DPP10: variants seen among roughly 807,000 people sequenced by gnomAD.
The protein encoded by DPP10 is dipeptidyl peptidase like 10, also known as inactive dipeptidyl peptidase 10.
Under a neutral mutation model 120.9 loss-of-function variants are expected in DPP10, and 33 were observed. The ratio of observed to expected loss-of-function variants is 0.27; its 90% CI spans 0.21 to 0.37. DPP10 has a LOEUF of 0.37. DPP10 is among the 10% of genes least tolerant of loss of function. DPP10 has a pLI of 1.00. For synonymous variants in DPP10, 337 were observed against 326.1 expected, an observed-to-expected ratio of 1.03 and a Z score of -0.36; for missense variants, 816 against 942.8, an observed-to-expected ratio of 0.87 and a Z score of 1.76.
At chr2:114,922,466 C>A (rs6708990) in intron 1 of DPP10, among the ~76,000 whole-genome samples, 2,668 of 152,246 alleles carry the variant, frequency 0.018, 92 homozygotes, top group African/African-American at 0.06. Context: ...GCATGCGTAG[C>A]CATGCTTGTT....
chr2:115,403,082 G>A (rs925006568), intron 3 of DPP10, among the ~76,000 whole-genome samples: 1 of 151,064 alleles, frequency 6.6e-6, no homozygotes, highest in Admixed American at 6.6e-5. Flanking sequence ...TCAAGTGAGA[G>A]TTATTCTTAG....
intron 5 of DPP10, among the ~76,000 whole-genome samples, chr2:115,631,127 A>G (rs1183616438): frequency 2.0e-5 from 3 of 148,376 alleles, no homozygotes; most frequent in African/African-American, 7.7e-5. Context: ...TCAAGGATTC[A>G]ACTTCTTCCT....
At chr2:115,642,068 A>G (rs1316045881) in intron 5 of DPP10, among the ~76,000 whole-genome samples, 1 of 152,194 alleles carries the variant, frequency 6.6e-6, no homozygotes, top group Non-Finnish European at 1.5e-5. Flanking sequence ...AGATAGGAGA[A>G]TTATAAATAT....
intron 1 of DPP10, among the ~76,000 whole-genome samples, chr2:115,232,997 A>C (rs887282473): frequency 6.6e-6 from 1 of 150,974 alleles, no homozygotes; most frequent in Non-Finnish European, 1.5e-5. Flanking sequence ...GTTGAGAACT[A>C]AATATAAACT....
At chr2:115,405,510 G>C (rs1455337398) in intron 3 of DPP10, among the ~76,000 whole-genome samples, 1 of 152,172 alleles carries the variant, frequency 6.6e-6, no homozygotes, top group Admixed American at 6.5e-5. Context: ...CTGGAGTCCA[G>C]AGGGAAGTGG....
At chr2:115,258,755 G>A in intron 1 of DPP10, among the ~76,000 whole-genome samples, 1 of 151,938 alleles carries the variant, frequency 6.6e-6, no homozygotes, top group Non-Finnish European at 1.5e-5. Context: ...TACTACTTAG[G>A]GCACACTGGC....
At chr2:115,397,117 T>G (rs113381465) in intron 3 of DPP10, among the ~76,000 whole-genome samples, 2 of 152,234 alleles carry the variant, frequency 1.3e-5, no homozygotes, top group African/African-American at 4.8e-5. Flanking sequence ...ACTTGATCAC[T>G]TATACTTAGG....
chr2:115,231,480 A>G (rs2057731324), intron 1 of DPP10, among the ~76,000 whole-genome samples: 1 of 152,152 alleles, frequency 6.6e-6, no homozygotes, highest in Non-Finnish European at 1.5e-5. Flanking sequence ...AGTTGTACCT[A>G]CATTAAAAAT....
intron 2 of DPP10, among the ~76,000 whole-genome samples, chr2:115,326,000 T>C (rs892720611): frequency 1.3e-5 from 2 of 152,170 alleles, no homozygotes; most frequent in Admixed American, 6.6e-5. Context: ...TGAAGGTTAA[T>C]TGCAGTGTAA....
chr2:114,689,330 GCGTTTGGT>G (rs1386821790), intron 1 of DPP10, among the ~76,000 whole-genome samples: 1 of 151,820 alleles, frequency 6.6e-6, no homozygotes, highest in Non-Finnish European at 1.5e-5. Context: ...AGAGCATGTG[GCGTTTGGT>G]TTCCTGTTCC....
chr2:115,585,772 A>G (rs558272247), intron 5 of DPP10, among the ~76,000 whole-genome samples: 5 of 152,308 alleles, frequency 3.3e-5, no homozygotes, highest in South Asian at 2.1e-4. Context: ...AAGCAAATAC[A>G]TATGTGGACA....
intron 1 of DPP10, among the ~76,000 whole-genome samples, chr2:115,277,207 A>G (rs1489053902): frequency 6.6e-6 from 1 of 152,174 alleles, no homozygotes; most frequent in African/African-American, 2.4e-5. Context: ...GAAATAAGCA[A>G]TGCATTCTCA....
chr2:114,684,858 A>G (rs1161250492), intron 1 of DPP10, among the ~76,000 whole-genome samples: 1 of 151,888 alleles, frequency 6.6e-6, no homozygotes, highest in Non-Finnish European at 1.5e-5. Flanking sequence ...CAGGATACTT[A>G]GTGTTGTGTT....
At position 115,534,593 on chromosome 2, in the gene DPP10, C is replaced by T. The variant is rs138874453; in HGVS notation, c.441+8621C>T. ...CATACGTGTGCATGTGTCTTTATAGCAGCATGATTCATAGTCCTTTGGGTA... is the reference window on the plus strand; with the variant it reads ...CATACGTGTGCATGTGTCTTTATAGTAGCATGATTCATAGTCCTTTGGGTA... On this transcript the variant is annotated intron_variant, in intron 5 of 25. Transcript: ENST00000410059. 3.6e-3 allele frequency among the ~76,000 whole-genome samples: 549 copies of T among 152,136 alleles called. 3 individuals are homozygous for T. Among genetic ancestry groups the T allele is most frequent in the African/African-American group, 0.013 (537 of 41,460 alleles).
chr2:115,104,940 A>G (rs1338768052), intron 1 of DPP10, among the ~76,000 whole-genome samples: 1 of 151,842 alleles, frequency 6.6e-6, no homozygotes, highest in Non-Finnish European at 1.5e-5. Context: ...CAGGAGCCAG[A>G]GGTTGCAGTG....
At chr2:114,447,034 ATT>A (rs3981301) in intron 1 of DPP10, among the ~76,000 whole-genome samples, 7 of 138,332 alleles carry the variant, frequency 5.1e-5, no homozygotes, top group African/African-American at 2.7e-5. Flanking sequence ...TGGTTGTTAA[ATT>A]TTTTTTTTTT....
intron 2 of DPP10, among the ~76,000 whole-genome samples, chr2:115,339,334 T>G (rs1356583258): frequency 2.0e-5 from 3 of 152,098 alleles, no homozygotes; most frequent in African/African-American, 7.2e-5. Flanking sequence ...GCAGAGAAAC[T>G]GGATCATTTA....
At chr2:114,767,207 C>CAAAAAAAAAA (rs5833559) in intron 1 of DPP10, among the ~76,000 whole-genome samples, 4 of 33,060 alleles carry the variant, frequency 1.2e-4, no homozygotes, top group Admixed American at 1.1e-3. Context: ...AGGATAAAAG[C>CAAAAAAAAAA]AAAAAAAAAA....
At chr2:115,025,180 C>T (rs1451494766) in intron 1 of DPP10, among the ~76,000 whole-genome samples, 2 of 86,906 alleles carry the variant, frequency 2.3e-5, no homozygotes, top group East Asian at 7.3e-4. Context: ...CCTCTGGTAA[C>T]CACCAATCTT....
Sources: gnomAD v4.1 joint callset for allele counts (sites outside exome capture counted in the v4.1 genomes callset) on GRCh38, gnomAD v4.1.1 for gene constraint, MANE v1.5 for transcripts, NCBI Gene and HGNC (gene_info 2026-07-23, HGNC 2026-07-21) for gene names.